Variants in LRPPRC observed in about 807,000 individuals in gnomAD.
The protein encoded by LRPPRC is leucine rich pentatricopeptide repeat containing.
LRPPRC carries 120 observed loss-of-function variants against 180.3 expected under a neutral mutation model. The ratio of observed to expected loss-of-function variants is 0.67; its 90% CI spans 0.57 to 0.77. The LOEUF is 0.77. Ranked by LOEUF, LRPPRC falls within the 30% of genes least tolerant of loss-of-function variation. LRPPRC has a pLI of 0.00. For missense variants in LRPPRC, 2,012 were observed against 1,657.2 expected (o/e 1.21, Z -3.72); for synonymous variants, 723 against 600.0 (o/e 1.21, Z -3.00).
At chr2:43,951,506 A>G (rs1558998251) in intron 14 of LRPPRC, among the ~76,000 whole-genome samples, 1 of 152,230 alleles carries the variant, frequency 6.6e-6, no homozygotes. Flanking sequence ...AATTCTGATT[A>G]TCAACTAGGA....
At chr2:43,905,832 T>C in intron 30 of LRPPRC, 52 bp from the exon 31 acceptor site, 1 of 1,101,260 alleles carries the variant, frequency 9.1e-7, no homozygotes, top group South Asian at 1.2e-5. Context: ...TCTGATACGA[T>C]AATAAATGGT....
chr2:43,963,565 A>T (rs1190653712), intron 12 of LRPPRC, 23 bp downstream of exon 12: 2 of 1,357,576 alleles, frequency 1.5e-6, no homozygotes. Flanking sequence ...CAATTATTAA[A>T]TTAAAACCAC....
chr2:43,893,051 C>A (rs1670551279), intron 36 of LRPPRC, among the ~76,000 whole-genome samples: 1 of 152,150 alleles, frequency 6.6e-6, no homozygotes, highest in Admixed American at 6.5e-5. Flanking sequence ...GAAATCACTG[C>A]AGATGTGGAA....
chr2:43,909,006 A>C lies in LRPPRC; in HGVS notation c.3276-3226T>G, dbSNP rs142782351. Among the ~76,000 whole-genome samples the C allele has an allele frequency of 6.4e-3, 971 of 152,354 alleles. 12 individuals carry two copies. The highest frequency in any genetic ancestry group is 0.022 in the African/African-American group (910 of 41,586). On this transcript the variant is annotated intron_variant, in intron 30 of 37. Coordinates refer to ENST00000260665, the MANE Select transcript of LRPPRC (RefSeq NM_133259.4). ...ATAAAGTTGCCTATAAAAAAGCAGC[A>C]GTTGTTTTTCACTCTGATCACTGAT... is the stretch of plus-strand genomic sequence containing the variant.
chr2:43,951,927 C>T (rs1352946352), intron 14 of LRPPRC, among the ~76,000 whole-genome samples: 6 of 152,162 alleles, frequency 3.9e-5, no homozygotes, highest in African/African-American at 9.7e-5. Flanking sequence ...GGTGTGGTGG[C>T]TCACGCCTGT....
chr2:43,905,686 A>T lies in LRPPRC; in HGVS notation c.3364+6T>A, dbSNP rs543620356. The T allele has an allele frequency of 4.4e-6, 7 of 1,602,928 alleles. No homozygotes were observed. The highest frequency in any genetic ancestry group is 1.6e-4 in the Middle Eastern group (1 of 6,070). On this transcript the variant is annotated splice_donor_region_variant and intron_variant, in intron 31 of 37. Transcript: ENST00000260665. Reference sequence around the variant, plus strand: ...TGTGACGTAAAGGTCAAGCATTGTGACATACCTTTCAAATAATCCCGCCTA... The same window carrying T: ...TGTGACGTAAAGGTCAAGCATTGTGTCATACCTTTCAAATAATCCCGCCTA...
At chr2:43,995,629 T>C (rs1675016052) in intron 1 of LRPPRC, 170 bp downstream of exon 1, 2 of 593,438 alleles carry the variant, frequency 3.4e-6, no homozygotes, top group South Asian at 4.0e-5. Context: ...CGCTTAACCC[T>C]GTCACCCGAA....
intron 1 of LRPPRC, among the ~76,000 whole-genome samples, chr2:43,987,261 C>T (rs777354481): frequency 7.2e-5 from 11 of 151,884 alleles, no homozygotes; most frequent in African/African-American, 2.2e-4. Context: ...TAGGGGAGGC[C>T]GAGGCGGGCA....
intron 30 of LRPPRC, among the ~76,000 whole-genome samples, chr2:43,907,258 GGAA>G (rs773420404): frequency 5.9e-5 from 9 of 152,010 alleles, no homozygotes; most frequent in Non-Finnish European, 1.3e-4. Context: ...ATAAATATCA[GGAA>G]GAAGAAACCC....
rs1244028644 is a variant in LRPPRC, at chr2:43,899,200, A to G, written c.3825+19T>C. ...TGCAAGCCTCGAGCCCCACTGCTCC[A>G]TGAGTGGAGGGTCATTACCTGTAGG... On this transcript the variant is annotated intron_variant, in intron 34 of 37. Transcript: ENST00000260665. The G allele has an allele frequency of 5.1e-6, 8 of 1,559,598 alleles. No individual in the cohort carries two copies. Among genetic ancestry groups the G allele is most frequent in the South Asian group, 1.1e-5 (1 of 89,988 alleles).
chr2:43,923,595 C>T (rs550958817), intron 27 of LRPPRC, among the ~76,000 whole-genome samples: 48 of 152,304 alleles, frequency 3.2e-4, no homozygotes, highest in African/African-American at 1.1e-3. Context: ...TTGTTCTTAC[C>T]CGCTGCAGTG....
At chr2:43,933,336 T>C (rs1054550400) in intron 25 of LRPPRC, among the ~76,000 whole-genome samples, 1 of 152,180 alleles carries the variant, frequency 6.6e-6, no homozygotes, top group Non-Finnish European at 1.5e-5. Flanking sequence ...AATACACAAA[T>C]AAAGAGGTCA....
Position 43,927,328 on chromosome 2 carries a change from G to A in LRPPRC, c.2737-1367C>T, listed in dbSNP as rs377584656. Among the ~76,000 whole-genome samples, 504 of 152,290 alleles carry A rather than the reference G, an allele frequency of 3.3e-3. 1 individual carries two copies. Among genetic ancestry groups the A allele is most frequent in the Middle Eastern group, 6.8e-3 (2 of 294 alleles). On this transcript the variant is annotated intron_variant, in intron 25 of 37. Transcript: ENST00000260665. The stretch of plus-strand genomic sequence containing the variant: ...GTACAACGTTAAATTAAGAACTGAA[G>A]TGGAAACTAACATCTTGCAGCTTTG...
chr2:43,974,633 A>G lies in LRPPRC; in HGVS notation c.990T>C (p.Cys330=), dbSNP rs1255585877. 2 of 1,596,860 alleles carry G rather than the reference A, an allele frequency of 1.3e-6. No homozygotes were observed. Among genetic ancestry groups the G allele is most frequent in the Non-Finnish European group, 1.7e-6 (2 of 1,164,772 alleles). ...AACTACCTGGAATATATCTTCTTTC[A>G]CATGTAACTTTTTCCAAAATTTCTG... ...YVSEILEKVT[C]ERRYIPDAMN... is the part of the protein sequence containing the mutation. The change falls in exon 8 of 38, where the codon TGT becomes TGC. Residue 330 remains cysteine (C), a synonymous_variant. Coordinates refer to ENST00000260665, the MANE Select transcript of LRPPRC (RefSeq NM_133259.4).
intron 12 of LRPPRC, among the ~76,000 whole-genome samples, chr2:43,962,730 A>AAG (rs1553408220): frequency 2.0e-5 from 3 of 152,208 alleles, no homozygotes; most frequent in Non-Finnish European, 4.4e-5. Flanking sequence ...AGTTTAAAAA[A>AAG]AGAGAGAGAG....
intron 29 of LRPPRC, among the ~76,000 whole-genome samples, chr2:43,913,529 G>A (rs1671337979): frequency 1.3e-5 from 2 of 152,198 alleles, no homozygotes; most frequent in Non-Finnish European, 2.9e-5. Flanking sequence ...TTCTATGTAT[G>A]AGTTAGGGAA....
In LRPPRC at chr2:43,886,598, T is replaced by C. The variant is rs1219807126; in HGVS notation, c.*2002A>G. ...GGCTAGATAAGGGGGTCTTACCTAT[T>C]TCCTCTGTACCACACTCACATTTTA... On this transcript the variant is annotated 3_prime_UTR_variant, in exon 38 of 38. Transcript: ENST00000260665. 1 of 152,202 alleles carries C rather than the reference T, an allele frequency of 6.6e-6. No homozygotes were observed. The highest frequency in any genetic ancestry group is 1.9e-4 in the East Asian group (1 of 5,198). 9.4% of individuals were successfully genotyped at this position (152,202 alleles called of 1,614,324 possible). A position where few individuals can be genotyped will look rare whatever the true frequency, so the allele number is the denominator to read the frequency against.
chr2:43,950,577 C>T lies in LRPPRC; in HGVS notation c.1673G>A (p.Ser558Asn). 6.2e-7 allele frequency: 1 copy of T among 1,613,480 alleles called. No homozygotes were observed. Among genetic ancestry groups the T allele is most frequent in the Non-Finnish European group, 8.5e-7 (1 of 1,179,496 alleles). Residue 558 changes from serine to asparagine, a missense_variant, in exon 15 of 38, where the codon AGC becomes AAC. By Grantham distance (46) the Ser-to-Asn change is conservative (BLOSUM62 1). Coordinates refer to ENST00000260665, the MANE Select transcript of LRPPRC (RefSeq NM_133259.4). ...TGCAATATTAGAGGGACTTACCTCG[C>T]TCCAAAGATTTATATTCATAGACCT... ...FRRSMNINLW[S>N]EITELLYKDG...
intron 36 of LRPPRC, among the ~76,000 whole-genome samples, chr2:43,893,563 G>C (rs113660438): frequency 3.8e-4 from 58 of 152,272 alleles, no homozygotes; most frequent in African/African-American, 1.1e-3. Flanking sequence ...TAAAATTAAG[G>C]TATGTACTTT....
Sources: gnomAD v4.1 joint callset for allele counts (sites outside exome capture counted in the v4.1 genomes callset) on GRCh38, gnomAD v4.1.1 for gene constraint, MANE v1.5 for transcripts, NCBI Gene and HGNC (gene_info 2026-07-23, HGNC 2026-07-21) for gene names.